NEDD4L: variants seen among roughly 807,000 people sequenced by gnomAD.
The protein encoded by NEDD4L is NEDD4 like E3 ubiquitin protein ligase, also known as E3 ubiquitin-protein ligase NEDD4-like.
A neutral mutation model predicts 148.9 loss-of-function variants in NEDD4L; 54 were observed. That is an observed-to-expected ratio of 0.36 (90% CI 0.29 to 0.45). The LOEUF is 0.45. Among genes scored for constraint, NEDD4L ranks in the 20% least tolerant of loss-of-function variants. The probability of loss-of-function intolerance (pLI) is 1.00; values close to 1 mark genes in which losing one functional copy is unlikely to be tolerated. For synonymous variants in NEDD4L, 433 were observed against 440.7 expected, an observed-to-expected ratio of 0.98 and a Z score of 0.22; for missense variants, 856 against 1,233.8, an observed-to-expected ratio of 0.69 and a Z score of 4.59.
At chr18:58,329,590 C>T (rs944136596) in intron 10 of NEDD4L, among the ~76,000 whole-genome samples, 11 of 151,576 alleles carry the variant, frequency 7.3e-5, no homozygotes, top group African/African-American at 1.5e-4. Flanking sequence ...CTCCTGACCT[C>T]GAGATCCGCC....
In NEDD4L at chr18:58,396,185, A is replaced by AC. The variant is rs762085567; in HGVS notation, c.2846dup (p.Pro950SerfsTer3). The AC allele has an allele frequency of 6.2e-7, 1 of 1,613,092 alleles. No homozygotes were observed. The highest frequency in any genetic ancestry group is 8.5e-7 in the Non-Finnish European group (1 of 1,179,384). ...TTTGCAGCTTTAATCGCCTTGACTT[A>AC]CCTCCATATGAAACCTTTGAAGATT... On this transcript the variant is annotated frameshift_variant, in exon 31 of 31. Transcript: ENST00000400345. LOFTEE classifies it high-confidence loss of function.
chr18:58,394,300 G>A (rs764092407), intron 30 of NEDD4L, among the ~76,000 whole-genome samples: 9 of 152,188 alleles, frequency 5.9e-5, no homozygotes, highest in African/African-American at 1.2e-4. Context: ...GATGCAAAGC[G>A]GTGAAGCATT....
At chr18:58,353,380 A>G (rs1344165959) in intron 18 of NEDD4L, among the ~76,000 whole-genome samples, 1 of 152,286 alleles carries the variant, frequency 6.6e-6, no homozygotes, top group Non-Finnish European at 1.5e-5. Context: ...TGACTTGGAG[A>G]TTAAAATTTA....
intron 1 of NEDD4L, among the ~76,000 whole-genome samples, chr18:58,110,267 A>C (rs2085337843): frequency 6.6e-6 from 1 of 152,224 alleles, no homozygotes; most frequent in South Asian, 2.1e-4. Flanking sequence ...GAGTCAATCC[A>C]CATGGGATGG....
chr18:58,369,336 A>G (rs900364066), intron 22 of NEDD4L, among the ~76,000 whole-genome samples: 16 of 152,336 alleles, frequency 1.1e-4, no homozygotes, highest in African/African-American at 3.8e-4. Flanking sequence ...GACCCCGACA[A>G]GAGTGATCAC....
chr18:58,138,899 G>A (rs1240953375), intron 1 of NEDD4L, among the ~76,000 whole-genome samples: 2 of 152,182 alleles, frequency 1.3e-5, no homozygotes, highest in Admixed American at 1.3e-4. Context: ...TTAGGGGGAC[G>A]CAAACATTCA....
At chr18:58,340,696 C>A (rs191406273) in intron 13 of NEDD4L, among the ~76,000 whole-genome samples, 2 of 152,328 alleles carry the variant, frequency 1.3e-5, no homozygotes, top group Admixed American at 1.3e-4. Context: ...TTAAGCTCTA[C>A]CTGGTTTGGC....
intron 5 of NEDD4L, among the ~76,000 whole-genome samples, chr18:58,276,678 T>TATA (rs200793115): frequency 1.4e-4 from 20 of 141,114 alleles, no homozygotes; most frequent in African/African-American, 4.2e-4. Flanking sequence ...TGTGGTCAGC[T>TATA]ATAATAATAA....
At chr18:58,352,060 C>T (rs915389381) in intron 18 of NEDD4L, among the ~76,000 whole-genome samples, 2 of 152,116 alleles carry the variant, frequency 1.3e-5, no homozygotes, top group Non-Finnish European at 1.5e-5. Flanking sequence ...TGGAATTAAG[C>T]AAAAGTACCA....
At chr18:58,172,081 C>T (rs888671239) in intron 2 of NEDD4L, among the ~76,000 whole-genome samples, 3 of 152,056 alleles carry the variant, frequency 2.0e-5, no homozygotes, top group African/African-American at 2.4e-5. Context: ...TGGCTCTGCA[C>T]CTGACCCTCA....
intron 15 of NEDD4L, 27 bp downstream of exon 15, chr18:58,341,824 A>G (rs746819201): frequency 6.2e-7 from 1 of 1,604,052 alleles, no homozygotes; most frequent in East Asian, 2.3e-5. Context: ...ATCTAACTGG[A>G]CTCACTCTGT....
chr18:58,359,921 C>G (rs926150929), intron 19 of NEDD4L: 4 of 152,234 alleles, frequency 2.6e-5, no homozygotes, highest in African/African-American at 9.6e-5. Flanking sequence ...GGTAATATCT[C>G]TTAGTCTTTG....
At chr18:58,065,764 C>T (rs1472774571) in intron 1 of NEDD4L, among the ~76,000 whole-genome samples, 1 of 152,184 alleles carries the variant, frequency 6.6e-6, no homozygotes, top group Non-Finnish European at 1.5e-5. Context: ...AAGTTGAACA[C>T]TTATCTTAGT....
intron 1 of NEDD4L, among the ~76,000 whole-genome samples, chr18:58,133,088 G>GA (rs1267794085): frequency 3.2e-4 from 49 of 152,334 alleles, no homozygotes; most frequent in African/African-American, 1.0e-3. Context: ...CTGGCATGTG[G>GA]AACTGAGTAA....
At chr18:58,113,707 G>T (rs1315407651) in intron 1 of NEDD4L, among the ~76,000 whole-genome samples, 3 of 152,104 alleles carry the variant, frequency 2.0e-5, no homozygotes, top group Non-Finnish European at 4.4e-5. Context: ...TTCAAGGTGG[G>T]GTGCTATGTC....
intron 2 of NEDD4L, among the ~76,000 whole-genome samples, chr18:58,200,298 A>C (rs2041242617): frequency 6.6e-6 from 1 of 152,250 alleles, no homozygotes; most frequent in Non-Finnish European, 1.5e-5. Flanking sequence ...ACAGGTTTAA[A>C]AAGTTACATT....
At chr18:58,068,103 A>C (rs2082693283) in intron 1 of NEDD4L, among the ~76,000 whole-genome samples, 2 of 151,192 alleles carry the variant, frequency 1.3e-5, no homozygotes, top group African/African-American at 4.9e-5. Context: ...GGGACTACAG[A>C]CATGTGCCAC....
In NEDD4L at chr18:58,333,827, C is replaced by A; in HGVS notation, c.1000C>A (p.Pro334Thr). Residue 334 changes from proline (P) to threonine (T), a missense_variant, in exon 12 of 31, where the codon CCC (proline) becomes ACC (threonine). By Grantham distance (38) the Pro-to-Thr change is conservative. Transcript: ENST00000400345. ...TTTCCTCTCCTTCCAGCAAAGAGAA[C>A]CCTCCTCAAGGTTGAGGTCATGCAG... ...EQFSSLIQRE[P>T]SSRLRSCSVT... is the part of the protein sequence containing the mutation. 2 of 1,613,366 alleles carry A rather than the reference C, an allele frequency of 1.2e-6. No homozygotes were observed.
intron 5 of NEDD4L, among the ~76,000 whole-genome samples, chr18:58,298,043 T>C (rs1166527473): frequency 6.6e-6 from 1 of 152,180 alleles, no homozygotes; most frequent in African/African-American, 2.4e-5. Flanking sequence ...TAAAAAATAA[T>C]GTCTCTGGGT....
Sources: gnomAD v4.1 joint callset for allele counts (sites outside exome capture counted in the v4.1 genomes callset) on GRCh38, gnomAD v4.1.1 for gene constraint, MANE v1.5 for transcripts, NCBI Gene and HGNC (gene_info 2026-07-23, HGNC 2026-07-21) for gene names.